The following ROBO2 variants were observed in gnomAD, a reference collection of about 807,000 sequenced individuals.
The protein encoded by ROBO2 is roundabout homolog 2.
ROBO2 carries 53 observed loss-of-function variants against 160.8 expected under a neutral mutation model. The observed-to-expected ratio is 0.33, with a 90% CI of 0.26 to 0.41. ROBO2 has a LOEUF of 0.41. Among genes scored for constraint, ROBO2 ranks in the 10% least tolerant of loss-of-function variants. The probability of loss-of-function intolerance (pLI) is 1.00; values close to 1 mark genes in which losing one functional copy is unlikely to be tolerated. For missense variants in ROBO2, 1,577 were observed against 1,722.4 expected (o/e 0.92, Z 1.49); for synonymous variants, 664 against 611.7 (o/e 1.09, Z -1.26).
chr3:76,657,531 A>G (rs1034478388), intron 2 of ROBO2, among the ~76,000 whole-genome samples: 7 of 150,610 alleles, frequency 4.6e-5, no homozygotes, highest in African/African-American at 1.7e-4. Flanking sequence ...TAATCCCTCG[A>G]GCCCAGGAGT....
At chr3:76,490,927 A>G (rs897424640) in intron 2 of ROBO2, among the ~76,000 whole-genome samples, 3 of 151,844 alleles carry the variant, frequency 2.0e-5, no homozygotes, top group Admixed American at 6.6e-5. Context: ...AACAGAATTA[A>G]TTCATTTGAT....
rs140272287 is a variant in ROBO2, at chr3:76,446,338, A to G, written c.109+508736A>G. 1.2e-3 allele frequency among the ~76,000 whole-genome samples: 179 copies of G among 152,288 alleles called. 1 individual carries two copies. Among genetic ancestry groups the G allele is most frequent in the African/African-American group, 4.0e-3 (168 of 41,568 alleles). On this transcript the variant is annotated intron_variant, in intron 2 of 26. Transcript: ENST00000487694. Reference sequence around the variant, plus strand: ...CCTAGGAATCCCACTTACAAGGGATATGAAGGACCTCTTCAAGGAGAACTA... The same window carrying G: ...CCTAGGAATCCCACTTACAAGGGATGTGAAGGACCTCTTCAAGGAGAACTA...
intron 2 of ROBO2, among the ~76,000 whole-genome samples, chr3:76,580,264 G>A (rs1168717727): frequency 1.5e-5 from 2 of 133,026 alleles, no homozygotes; most frequent in African/African-American, 2.8e-5. Flanking sequence ...TTATTTGCTA[G>A]AGCCTGGTTG....
chr3:77,496,434 A>T (rs1324609921), intron 5 of ROBO2, among the ~76,000 whole-genome samples: 1 of 152,178 alleles, frequency 6.6e-6, no homozygotes, highest in Non-Finnish European at 1.5e-5. Flanking sequence ...TGAGAGAGAA[A>T]GACACCTCTT....
At chr3:77,005,677 T>A (rs2149438640) in intron 2 of ROBO2, among the ~76,000 whole-genome samples, 2 of 152,330 alleles carry the variant, frequency 1.3e-5, no homozygotes, top group South Asian at 4.1e-4. Context: ...TAGTAACTGA[T>A]GGATTGGCCA....
intron 2 of ROBO2, among the ~76,000 whole-genome samples, chr3:76,811,844 T>TCCTG (rs1322919510): frequency 9.4e-6 from 1 of 106,418 alleles, no homozygotes; most frequent in African/African-American, 3.2e-5. Context: ...CTTCTTTCCT[T>TCCTG]CCTTCCTTCC....
At chr3:76,702,454 C>T (rs1331131193) in intron 2 of ROBO2, among the ~76,000 whole-genome samples, 1 of 151,624 alleles carries the variant, frequency 6.6e-6, no homozygotes, top group Non-Finnish European at 1.5e-5. Flanking sequence ...ACAAAACAAA[C>T]AAACAAACAA....
At chr3:77,039,113 T>G (rs1166165838), upstream of ROBO2, among the ~76,000 whole-genome samples, 1 of 152,162 alleles carries the variant, frequency 6.6e-6, no homozygotes, top group Non-Finnish European at 1.5e-5. Flanking sequence ...CCTTCCTCCT[T>G]CCCTTGGGGA....
Position 76,005,621 on chromosome 3 carries a change from TG to T in ROBO2, c.109+68020del, listed in dbSNP as rs747682813. On this transcript the variant is annotated intron_variant, in intron 2 of 26. Coordinates refer to the ROBO2 transcript ENST00000487694. ...GACCTACAGAATCTGTGCACACTTTTGATAAGCCAATAATTTCCTCTCTATA... is the reference window on the plus strand; with the variant it reads ...GACCTACAGAATCTGTGCACACTTTTATAAGCCAATAATTTCCTCTCTATA... Among the ~76,000 whole-genome samples, 5 of 152,340 alleles carry T rather than the reference TG, an allele frequency of 3.3e-5. No homozygotes were observed. In the East Asian group the frequency reaches 9.6e-4, roughly 29 times the overall value.
intron 2 of ROBO2, among the ~76,000 whole-genome samples, chr3:76,254,493 A>C (rs1043402218): frequency 6.6e-6 from 1 of 152,122 alleles, no homozygotes; most frequent in Non-Finnish European, 1.5e-5. Flanking sequence ...AACTGCTTAC[A>C]TGGTAGTTCT....
intron 21 of ROBO2, among the ~76,000 whole-genome samples, chr3:77,617,276 A>C (rs2153702795): frequency 6.6e-6 from 1 of 152,336 alleles, no homozygotes; most frequent in East Asian, 1.9e-4. Context: ...GGTAACAATT[A>C]GCTAAAAAGG....
chr3:76,840,864 AC>A (rs1286750986), intron 2 of ROBO2, among the ~76,000 whole-genome samples: 2 of 150,974 alleles, frequency 1.3e-5, no homozygotes, highest in African/African-American at 2.4e-5. Flanking sequence ...TTGTTTGAAA[AC>A]CCTCCAATTG....
chr3:76,227,426 T>C, intron 2 of ROBO2, among the ~76,000 whole-genome samples: 1 of 152,228 alleles, frequency 6.6e-6, no homozygotes. Flanking sequence ...TGATTAATTT[T>C]GATTATGACT....
intron 5 of ROBO2, among the ~76,000 whole-genome samples, chr3:77,521,397 T>A (rs1419707799): frequency 3.3e-5 from 5 of 151,226 alleles, no homozygotes; most frequent in Non-Finnish European, 7.4e-5. Flanking sequence ...TCAAAATAGA[T>A]AACAATACAA....
intron 2 of ROBO2, among the ~76,000 whole-genome samples, chr3:77,206,211 T>C (rs763547349): frequency 6.6e-6 from 1 of 152,036 alleles, no homozygotes; most frequent in South Asian, 2.1e-4. Flanking sequence ...CTCTTGTTGC[T>C]CAGGCTAGAG....
At chr3:77,070,744 T>C (rs1282609567) in intron 1 of ROBO2, among the ~76,000 whole-genome samples, 2 of 152,016 alleles carry the variant, frequency 1.3e-5, no homozygotes, top group Non-Finnish European at 2.9e-5. Context: ...ATAAAGAAAA[T>C]TTCTTGGCAG....
chr3:77,293,020 C>G (rs574573250), intron 2 of ROBO2, among the ~76,000 whole-genome samples: 1 of 149,182 alleles, frequency 6.7e-6, no homozygotes, highest in South Asian at 2.2e-4. Flanking sequence ...GCTAGATCAC[C>G]AAAGACATAA....
At chr3:76,822,258 A>G (rs1258096857) in intron 2 of ROBO2, among the ~76,000 whole-genome samples, 1 of 151,982 alleles carries the variant, frequency 6.6e-6, no homozygotes, top group Non-Finnish European at 1.5e-5. Flanking sequence ...GGCAATGCCT[A>G]CTTAGTTTAT....
intron 2 of ROBO2, among the ~76,000 whole-genome samples, chr3:77,392,051 A>G (rs2074790291): frequency 6.6e-6 from 1 of 152,202 alleles, no homozygotes; most frequent in East Asian, 1.9e-4. Context: ...AAGCAACAAT[A>G]TTTAAGGGCA....
Sources: allele counts gnomAD v4.1 joint callset (sites outside exome capture counted in the v4.1 genomes callset), GRCh38; gene constraint gnomAD v4.1.1; transcripts MANE v1.5; gene names NCBI Gene and HGNC (gene_info 2026-07-23, HGNC 2026-07-21).